SMURF2: variants seen among roughly 807,000 people sequenced by gnomAD.
SMURF2 encodes the protein SMAD specific E3 ubiquitin protein ligase 2, also known as E3 ubiquitin-protein ligase SMURF2.
SMURF2 carries 48 observed loss-of-function variants against 109.6 expected under a neutral mutation model. The observed-to-expected ratio is 0.44, with a 90% CI of 0.35 to 0.56. SMURF2 has a LOEUF of 0.56. Among genes scored for constraint, SMURF2 ranks in the 20% least tolerant of loss-of-function variants. The probability of loss-of-function intolerance (pLI) is 0.01; values close to 1 mark genes in which losing one functional copy is unlikely to be tolerated. For missense variants in SMURF2, 575 were observed against 909.0 expected, an observed-to-expected ratio of 0.63 and a Z score of 4.72; for synonymous variants, 288 against 317.1, an observed-to-expected ratio of 0.91 and a Z score of 0.97.
rs949210106 is a variant in SMURF2, at chr17:64,547,357, A to G, written c.2071+243T>C. Among the ~76,000 whole-genome samples the G allele has an allele frequency of 5.3e-5, 8 of 152,216 alleles. No individual in the cohort carries two copies. Among genetic ancestry groups the G allele is most frequent in the African/African-American group, 1.9e-4 (8 of 41,456 alleles). Reference sequence around the variant, plus strand: ...TAAGGTGACCAGAAAACAAAGGCAGAGCATCACCACGTACGGTCTCTAGCA... The same window carrying G: ...TAAGGTGACCAGAAAACAAAGGCAGGGCATCACCACGTACGGTCTCTAGCA... On this transcript the variant is annotated intron_variant, in intron 17 of 18. Coordinates refer to ENST00000262435, the MANE Select transcript of SMURF2 (RefSeq NM_022739.4). This position sits in a 1 kb window ranked among gnomAD's most constrained non-coding sequence, Gnocchi z 4.2.
chr17:64,608,112 T>A (rs900253994), intron 1 of SMURF2, among the ~76,000 whole-genome samples: 1 of 151,900 alleles, frequency 6.6e-6, no homozygotes, highest in South Asian at 2.1e-4. Flanking sequence ...AAGAAAAACA[T>A]CAATTTTCAT....
At chr17:64,558,162 G>A (rs1313160881) in intron 12 of SMURF2, among the ~76,000 whole-genome samples, 1 of 152,162 alleles carries the variant, frequency 6.6e-6, no homozygotes, top group African/African-American at 2.4e-5. Flanking sequence ...CACTTTGGGG[G>A]GCCAAGACAG....
chr17:64,576,952 C>T (rs868950552), intron 9 of SMURF2, among the ~76,000 whole-genome samples: 3 of 139,234 alleles, frequency 2.2e-5, no homozygotes, highest in Middle Eastern at 4.3e-3. Flanking sequence ...GTGATCTCAG[C>T]TCACTGCAAC....
intron 15 of SMURF2, among the ~76,000 whole-genome samples, chr17:64,554,332 G>T (rs1356986192): frequency 2.6e-5 from 4 of 152,228 alleles, no homozygotes; most frequent in African/African-American, 9.6e-5. Flanking sequence ...GCCTTAAAAA[G>T]ATCTAGCAGC....
Position 64,544,453 on chromosome 17 carries a change from A to C in SMURF2, c.*1395T>G, listed in dbSNP as rs929863173. On this transcript the variant is annotated 3_prime_UTR_variant, in exon 19 of 19. Coordinates refer to ENST00000262435, the MANE Select transcript of SMURF2 (RefSeq NM_022739.4). ...TTATTTCACATCAATGTAAAAAAAA[A>C]CTGATAGTACATATTTTTGATGGTT... 6.6e-6 allele frequency: 1 copy of C among 150,918 alleles called. No individual in the cohort carries two copies. Among genetic ancestry groups the C allele is most frequent in the Non-Finnish European group, 1.5e-5 (1 of 67,948 alleles). 9.3% of individuals were successfully genotyped at this position (150,918 alleles called of 1,614,324 possible).
chr17:64,557,067 A>G (rs1969131637), intron 13 of SMURF2, among the ~76,000 whole-genome samples: 1 of 152,236 alleles, frequency 6.6e-6, no homozygotes, highest in Non-Finnish European at 1.5e-5. Context: ...TACATTAGTA[A>G]TAACTGCTAA....
In SMURF2 at chr17:64,544,400, T is replaced by C. The variant is rs1382440071; in HGVS notation, c.*1448A>G. 5 of 152,050 alleles carry C rather than the reference T, an allele frequency of 3.3e-5. No homozygotes were observed. The highest frequency in any genetic ancestry group is 3.9e-4 in the East Asian group (2 of 5,194). 9.4% of individuals were successfully genotyped at this position (152,050 alleles called of 1,614,324 possible). A position where few individuals can be genotyped will look rare whatever the true frequency, so the allele number is the denominator to read the frequency against. On this transcript the variant is annotated 3_prime_UTR_variant, in exon 19 of 19. Transcript: ENST00000262435. Reference sequence around the variant, plus strand: ...CCTATTTACTTGATAACTTTAAATTTTGCAGCTTAATTATCATGAAAATTT... The same window carrying C: ...CCTATTTACTTGATAACTTTAAATTCTGCAGCTTAATTATCATGAAAATTT...
At chr17:64,594,639 A>G (rs1394317019) in intron 3 of SMURF2, among the ~76,000 whole-genome samples, 3 of 152,202 alleles carry the variant, frequency 2.0e-5, no homozygotes, top group South Asian at 4.1e-4. Flanking sequence ...ATGTAATTCC[A>G]GAGCCAGAAT....
At chr17:64,590,227 C>T (rs1263249607) in intron 5 of SMURF2, among the ~76,000 whole-genome samples, 2 of 150,458 alleles carry the variant, frequency 1.3e-5, no homozygotes, top group Non-Finnish European at 1.5e-5. Flanking sequence ...CTGCAACCTT[C>T]GCCTCCTGGG....
At position 64,629,711 on chromosome 17, in the gene SMURF2, G is replaced by C. The variant is rs782599072; in HGVS notation, c.53-23071C>G. ...CTTTAATGGATTAAAACCAGAAATAGATTAGTGGGAAGAATGTCAGTGGAT... is the reference window on the plus strand; with the variant it reads ...CTTTAATGGATTAAAACCAGAAATACATTAGTGGGAAGAATGTCAGTGGAT... On this transcript the variant is annotated intron_variant, in intron 1 of 18. Transcript: ENST00000262435. 7.9e-5 allele frequency among the ~76,000 whole-genome samples: 12 copies of C among 152,292 alleles called. No individual in the cohort carries two copies. In the Middle Eastern group the frequency reaches 0.01, roughly 130 times the overall value.
chr17:64,622,656 A>C (rs76974155), intron 1 of SMURF2, among the ~76,000 whole-genome samples: 7,655 of 152,246 alleles, frequency 0.05, 319 homozygotes, highest in Admixed American at 0.14. Flanking sequence ...CATTCTCATA[A>C]CATCATATCA....
rs199941916 is a variant in SMURF2 at position 64,601,919 on chromosome 17, A to ATG, written c.92-3431_92-3430dup. On this transcript the variant is annotated intron_variant, in intron 2 of 18. Transcript: ENST00000262435. ...TATGTATATATTTATATATAATTAT[A>ATG]TGTGTGTGTATATATATATATACAC... 8.2e-3 allele frequency among the ~76,000 whole-genome samples: 1,168 copies of ATG among 143,060 alleles called. 10 individuals carry two copies. Among genetic ancestry groups the ATG allele is most frequent in the Middle Eastern group, 0.014 (4 of 280 alleles). The allele number at this position is 143,060 out of a possible 152,430, so 93.9% of individuals were successfully genotyped here.
chr17:64,583,612 G>C, intron 6 of SMURF2, 68 bp from the exon 7 acceptor site: 1 of 1,119,736 alleles, frequency 8.9e-7, no homozygotes, highest in Admixed American at 1.7e-5. Context: ...AAGCAAGCCA[G>C]TAAGACATCT....
chr17:64,562,091 G>A (rs1162520750), intron 11 of SMURF2, among the ~76,000 whole-genome samples: 1 of 151,636 alleles, frequency 6.6e-6, no homozygotes. Context: ...TCAAGAGATC[G>A]AGACCATCCT....
intron 1 of SMURF2, among the ~76,000 whole-genome samples, chr17:64,645,435 C>G (rs1449739843): frequency 6.6e-6 from 1 of 152,056 alleles, no homozygotes; most frequent in Non-Finnish European, 1.5e-5. Context: ...CAGCTGTAGT[C>G]CCAGCTTCTC....
intron 1 of SMURF2, among the ~76,000 whole-genome samples, chr17:64,613,172 T>A (rs1484805473): frequency 6.6e-6 from 1 of 152,176 alleles, no homozygotes; most frequent in Non-Finnish European, 1.5e-5. Context: ...GAATGTACCT[T>A]GGGGACTAGA....
intron 1 of SMURF2, among the ~76,000 whole-genome samples, chr17:64,641,790 C>A (rs1367917976): frequency 6.6e-6 from 1 of 152,082 alleles, no homozygotes; most frequent in Admixed American, 6.6e-5. Flanking sequence ...CCCAATTAAG[C>A]CCCTTGCCAA....
In SMURF2 at chr17:64,547,510, G is replaced by T; in HGVS notation, c.2071+90C>A. 1 of 1,061,276 alleles carries T rather than the reference G, an allele frequency of 9.4e-7. No homozygotes were observed. Among genetic ancestry groups the T allele is most frequent in the Non-Finnish European group, 1.4e-6 (1 of 695,396 alleles). 65.7% of individuals were successfully genotyped at this position (1,061,276 alleles called of 1,614,324 possible). A position where few individuals can be genotyped will look rare whatever the true frequency, so the allele number is the denominator to read the frequency against. ...AAGAAGTGAAAAAGAGAATCTCTAA[G>T]CACATGGTTTACAAAATATCTCCAC... On this transcript the variant is annotated intron_variant, in intron 17 of 18. Coordinates refer to ENST00000262435, the MANE Select transcript of SMURF2 (RefSeq NM_022739.4). This position sits in a 1 kb window ranked among gnomAD's most constrained non-coding sequence, Gnocchi z 4.2.
At chr17:64,651,695 AGGG>A in intron 1 of SMURF2, among the ~76,000 whole-genome samples, 1 of 152,140 alleles carries the variant, frequency 6.6e-6, no homozygotes, top group South Asian at 2.1e-4. Flanking sequence ...AAGCCAAGGC[AGGG>A]GATCACTTGA....
Sources: gnomAD v4.1 joint callset for allele counts (sites outside exome capture counted in the v4.1 genomes callset) on GRCh38, gnomAD v4.1.1 for gene constraint, Gnocchi (gnomAD v3.1) non-coding constraint, MANE v1.5 for transcripts, NCBI Gene and HGNC (gene_info 2026-07-23, HGNC 2026-07-21) for gene names.